The following MRO variants were observed in gnomAD, a reference collection of about 807,000 sequenced individuals.
MRO encodes the protein protein maestro.
In MRO, 28 loss-of-function variants were observed where a neutral mutation model predicts 31.0. That is an observed-to-expected ratio of 0.90 (90% CI 0.67 to 1.24). The LOEUF is 1.24. MRO is among the 50% of genes most tolerant of loss of function. The pLI is 0.00. For synonymous variants in MRO, 108 were observed against 108.4 expected (o/e 1.00, Z 0.02); for missense variants, 332 against 289.2 (o/e 1.15, Z -1.07).
upstream of MRO, among the ~76,000 whole-genome samples, chr18:50,823,302 C>G (rs1915377747): frequency 6.6e-6 from 1 of 152,188 alleles, no homozygotes. Context: ...CTTTTGGCTG[C>G]TAATCTTTGA....
At chr18:50,819,829 G>A (rs1915228166) in intron 1 of MRO, 68 bp downstream of exon 1, 2 of 1,537,434 alleles carry the variant, frequency 1.3e-6, no homozygotes, top group East Asian at 2.4e-5. Context: ...TATTTGGGCA[G>A]GGGAGGGAAT....
At position 50,819,561 on chromosome 18, in the gene MRO, C is replaced by A; in HGVS notation, c.-5+20G>T. 6.4e-7 allele frequency: 1 copy of A among 1,551,160 alleles called. No individual in the cohort carries two copies. The highest frequency in any genetic ancestry group is 8.7e-7 in the Non-Finnish European group (1 of 1,146,766). On this transcript the variant is annotated intron_variant, in intron 2 of 7. Transcript: ENST00000398439. Reference sequence around the variant, plus strand: ...CGCCTCCCGCTGCATCTGGCTGCCCCGGCCAACAGTGTCCCTTACCTGCGG... The same window carrying A: ...CGCCTCCCGCTGCATCTGGCTGCCCAGGCCAACAGTGTCCCTTACCTGCGG...
chr18:50,813,606 A>C (rs1359232571), intron 2 of MRO, among the ~76,000 whole-genome samples: 6 of 152,222 alleles, frequency 3.9e-5, no homozygotes, highest in Non-Finnish European at 7.3e-5. Context: ...ACACTTGGAG[A>C]ACCACTGCAT....
intron 2 of MRO, among the ~76,000 whole-genome samples, chr18:50,817,920 A>G (rs1915060688): frequency 6.6e-6 from 1 of 152,110 alleles, no homozygotes; most frequent in Admixed American, 6.6e-5. Context: ...ACAAATTAGG[A>G]GTTAAATCAA....
chr18:50,809,630 C>T (rs1439519187), intron 2 of MRO, among the ~76,000 whole-genome samples: 3 of 152,154 alleles, frequency 2.0e-5, no homozygotes, highest in Non-Finnish European at 4.4e-5. Context: ...GATCTGCCCT[C>T]TAGTTCCCCA....
intron 4 of MRO, among the ~76,000 whole-genome samples, chr18:50,805,691 G>A (rs776536356): frequency 6.6e-6 from 1 of 151,954 alleles, no homozygotes; most frequent in African/African-American, 2.4e-5. Context: ...GTTGGCGGAT[G>A]GTAAAGGAGG....
At chr18:50,825,290 C>T (rs936993688) in intron 1 of MRO, 1 of 152,200 alleles carries the variant, frequency 6.6e-6, no homozygotes, top group Non-Finnish European at 1.5e-5. Context: ...AGTCCTGAAA[C>T]TGTTCTGTGC....
intron 7 of MRO, 77 bp downstream of exon 7, chr18:50,799,959 T>A (rs906468692): frequency 1.0e-6 from 1 of 996,560 alleles, no homozygotes; most frequent in African/African-American, 1.6e-5. Flanking sequence ...CTCTTTCTTG[T>A]GCTTGGCCAC....
At position 50,815,616 on chromosome 18, in the gene MRO, C is replaced by T. The variant is rs561202791; in HGVS notation, c.-5+3965G>A. 52 of 304,558 alleles carry T rather than the reference C, an allele frequency of 1.7e-4. 1 individual carries two copies. Among genetic ancestry groups the T allele is most frequent in the South Asian group, 1.1e-3 (35 of 30,802 alleles). 18.9% of individuals were successfully genotyped at this position (304,558 alleles called of 1,614,324 possible). On this transcript the variant is annotated intron_variant, in intron 2 of 7. Coordinates refer to ENST00000398439, the MANE Select transcript of MRO (RefSeq NM_031939.6). ...GAAACTATAATGATCTTGGAAACAG[C>T]GATCAAATTATGAATGCATGAAAGG...
chr18:50,802,575 C>T (rs182572140), intron 5 of MRO, among the ~76,000 whole-genome samples: 15 of 152,192 alleles, frequency 9.9e-5, no homozygotes, highest in Admixed American at 7.9e-4. Context: ...CTGGGGTGGG[C>T]CTTCACAGCG....
intron 3 of MRO, among the ~76,000 whole-genome samples, chr18:50,807,948 T>C (rs540822231): frequency 1.3e-5 from 2 of 152,322 alleles, no homozygotes; most frequent in East Asian, 3.9e-4. Flanking sequence ...TAGCTGGGCA[T>C]GGTGGCGAAT....
chr18:50,801,542 T>A, intron 5 of MRO, 38 bp from the exon 6 acceptor site: 1 of 1,553,190 alleles, frequency 6.4e-7, no homozygotes. Flanking sequence ...GAAAGCCAGA[T>A]CATTACCAAA....
Position 50,799,208 on chromosome 18 carries a change from C to T in MRO, c.*129G>A, listed in dbSNP as rs1379137040. 7 of 794,788 alleles carry T rather than the reference C, an allele frequency of 8.8e-6. No homozygotes were observed. The highest frequency in any genetic ancestry group is 1.5e-5 in the Non-Finnish European group (7 of 469,166). The allele number at this position is 794,788 out of a possible 1,614,324, so 49.2% of individuals were successfully genotyped here. ...ATTATTTTTGCCTTTGATTGCTCTC[C>T]CAGCACCCTCTTTCCCATTACAATC... On this transcript the variant is annotated 3_prime_UTR_variant, in exon 8 of 8. Coordinates refer to ENST00000398439, the MANE Select transcript of MRO (RefSeq NM_031939.6).
intron 6 of MRO, among the ~76,000 whole-genome samples, chr18:50,800,429 T>C (rs1913185419): frequency 6.6e-6 from 1 of 152,208 alleles, no homozygotes; most frequent in South Asian, 2.1e-4. Flanking sequence ...AATCTCTCTC[T>C]CAGTAACTTA....
At chr18:50,812,483 C>T (rs761207758) in intron 2 of MRO, among the ~76,000 whole-genome samples, 21 of 152,152 alleles carry the variant, frequency 1.4e-4, no homozygotes, top group Admixed American at 3.3e-4. Flanking sequence ...TTCTGGATAA[C>T]GTCTGTTGTG....
Position 50,815,714 on chromosome 18 carries a change from A to G in MRO, c.-5+3867T>C, listed in dbSNP as rs9959247. On this transcript the variant is annotated intron_variant, in intron 2 of 7. Transcript: ENST00000398439. ...ATGGATCTGGTAGTGGAAATGGTGGATATGGTAACAGAAGGTTCTAAAAAC... is the reference window on the plus strand; with the variant it reads ...ATGGATCTGGTAGTGGAAATGGTGGGTATGGTAACAGAAGGTTCTAAAAAC... The G allele has an allele frequency of 9.2e-3, 4,164 of 454,196 alleles. 151 individuals carry two copies. The highest frequency in any genetic ancestry group is 0.078 in the African/African-American group (3,836 of 49,352). 28.1% of individuals were successfully genotyped at this position (454,196 alleles called of 1,614,324 possible).
upstream of MRO, among the ~76,000 whole-genome samples, chr18:50,820,361 C>T (rs983492876): frequency 6.6e-6 from 1 of 152,110 alleles, no homozygotes; most frequent in Non-Finnish European, 1.5e-5. Context: ...AAATTAAAAC[C>T]GGGGAATTAC....
intron 5 of MRO, among the ~76,000 whole-genome samples, chr18:50,803,609 T>A (rs1247604863): frequency 6.6e-6 from 1 of 152,072 alleles, no homozygotes; most frequent in Non-Finnish European, 1.5e-5. Context: ...CTGCTTACAC[T>A]TCAGGGTGGT....
Position 50,796,737 on chromosome 18 carries a change from A to T in MRO, c.*2600T>A, listed in dbSNP as rs1297286833. On this transcript the variant is annotated 3_prime_UTR_variant, in exon 8 of 8. Transcript: ENST00000398439. ...TTGTCTGAAGCAAAGAGAGTAACAG[A>T]AGAAAACGAAGGTTGAAAGCCTGAA... The T allele has an allele frequency of 6.6e-6, 1 of 152,260 alleles. No homozygotes were observed. The highest frequency in any genetic ancestry group is 1.5e-5 in the Non-Finnish European group (1 of 68,062). The allele number at this position is 152,260 out of a possible 1,614,324, so 9.4% of individuals were successfully genotyped here. A position where few individuals can be genotyped will look rare whatever the true frequency, so the allele number is the denominator to read the frequency against.
Sources: gnomAD v4.1 joint callset for allele counts (sites outside exome capture counted in the v4.1 genomes callset) on GRCh38, gnomAD v4.1.1 for gene constraint, MANE v1.5 for transcripts, NCBI Gene and HGNC (gene_info 2026-07-23, HGNC 2026-07-21) for gene names.